The following STT3A variants were observed in gnomAD, a reference collection of about 807,000 sequenced individuals.
The protein encoded by STT3A is STT3 oligosaccharyltransferase complex catalytic subunit A, also known as dolichyl-diphosphooligosaccharide--protein glycosyltransferase subunit STT3A.
In STT3A, 34 loss-of-function variants were observed where a neutral mutation model predicts 89.2. The ratio of observed to expected loss-of-function variants is 0.38; its 90% CI spans 0.29 to 0.51. The LOEUF is 0.51. Among genes scored for constraint, STT3A ranks in the 20% least tolerant of loss-of-function variants. The pLI is 0.89. For synonymous variants in STT3A, 282 were observed against 310.3 expected (o/e 0.91, Z 0.96); for missense variants, 555 against 889.5 (o/e 0.62, Z 4.78).
chr11:125,614,404 C>A lies in STT3A; in HGVS notation c.1752C>A (p.Gly584=). 1 of 1,613,926 alleles carries A rather than the reference C, an allele frequency of 6.2e-7. No homozygotes were observed. Among genetic ancestry groups the A allele is most frequent in the Non-Finnish European group, 8.5e-7 (1 of 1,179,874 alleles). ...DVSYVLVIFG[G]LTGYSSDDIN... ...GCTATGTGCTGGTCATTTTTGGAGGCCTCACTGGGTATTCCTCTGATGGTA... is the reference window on the plus strand; with the variant it reads ...GCTATGTGCTGGTCATTTTTGGAGGACTCACTGGGTATTCCTCTGATGGTA... Residue 584 remains glycine, a synonymous_variant, in exon 15 of 18, where the codon GGC becomes GGA. Transcript: ENST00000392708. The surrounding 1 kb of genome is among the most constrained non-coding windows in gnomAD (Gnocchi z 4.9).
chr11:125,606,052 G>A (rs1159743474), intron 7 of STT3A, among the ~76,000 whole-genome samples: 1 of 151,874 alleles, frequency 6.6e-6, no homozygotes, highest in Non-Finnish European at 1.5e-5. Context: ...ACAGTGATGG[G>A]TTTGAACTTG....
At chr11:125,605,196 A>G (rs1939797153) in intron 6 of STT3A, among the ~76,000 whole-genome samples, 1 of 152,064 alleles carries the variant, frequency 6.6e-6, no homozygotes. Flanking sequence ...TTGAGGGTCA[A>G]CTGGGTCCTG....
upstream of STT3A, chr11:125,592,441 G>C (rs775141235): frequency 2.2e-6 from 1 of 456,184 alleles, no homozygotes; most frequent in Non-Finnish European, 4.4e-6. Context: ...GGAGACGAGC[G>C]GCTCCGCATT....
At chr11:125,617,510 A>G (rs1473078338) in intron 15 of STT3A, among the ~76,000 whole-genome samples, 2 of 152,218 alleles carry the variant, frequency 1.3e-5, no homozygotes, top group East Asian at 3.8e-4. Flanking sequence ...TATTTTTAAT[A>G]CTAACCATCC....
chr11:125,613,450 G>T lies in STT3A; in HGVS notation c.1554+273G>T, dbSNP rs940127683. Reference sequence around the variant, plus strand: ...GTAGAACATCCCAGTTATAAAAGAAGAAAAAAGTTATAGATAAATAATACA... The same window carrying T: ...GTAGAACATCCCAGTTATAAAAGAATAAAAAAGTTATAGATAAATAATACA... On this transcript the variant is annotated intron_variant, in intron 13 of 17. Transcript: ENST00000392708. The surrounding 1 kb of genome is among the most constrained non-coding windows in gnomAD (Gnocchi z 4.2). Among the ~76,000 whole-genome samples, 5 of 152,036 alleles carry T rather than the reference G, an allele frequency of 3.3e-5. No individual in the cohort carries two copies. The highest frequency in any genetic ancestry group is 7.4e-5 in the Non-Finnish European group (5 of 67,982).
upstream of STT3A, chr11:125,591,822 CCA>C (rs1266378992): frequency 1.3e-5 from 2 of 152,366 alleles, no homozygotes; most frequent in African/African-American, 4.8e-5. Flanking sequence ...CGAGACGTTC[CCA>C]CTCTCTCTGG....
chr11:125,596,175 G>A (rs897265817), intron 2 of STT3A, among the ~76,000 whole-genome samples, 172 bp downstream of exon 2: 4 of 152,180 alleles, frequency 2.6e-5, no homozygotes, highest in African/African-American at 9.7e-5. Flanking sequence ...ATAAAAGTCA[G>A]GGCTATGGGC....
At chr11:125,592,397 G>A, upstream of STT3A, 1 of 456,302 alleles carries the variant, frequency 2.2e-6, no homozygotes, top group Non-Finnish European at 4.4e-6. Flanking sequence ...CTTTCACCTT[G>A]TATTAGGTAA....
At position 125,613,911 on chromosome 11, in the gene STT3A, T is replaced by C. The variant is rs1383429937; in HGVS notation, c.1555-176T>C. 1 of 598,760 alleles carries C rather than the reference T, an allele frequency of 1.7e-6. No homozygotes were observed. The highest frequency in any genetic ancestry group is 3.0e-6 in the Non-Finnish European group (1 of 332,384). 37.1% of individuals were successfully genotyped at this position (598,760 alleles called of 1,614,324 possible). ...TGTGCTGAGATTTTATAATTGTATA[T>C]AAATGGAAGACCAGGTGCCAGGATT... On this transcript the variant is annotated intron_variant, in intron 13 of 17. Transcript: ENST00000392708. The surrounding 1 kb of genome is among the most constrained non-coding windows in gnomAD (Gnocchi z 4.2).
intron 9 of STT3A, 200 bp downstream of exon 9, chr11:125,608,489 G>A (rs1416575896): frequency 1.3e-5 from 6 of 445,564 alleles, no homozygotes; most frequent in Non-Finnish European, 2.3e-5. Flanking sequence ...ACCACGCCCA[G>A]CCAATTTTGT....
rs1358280881 is a variant in STT3A, at chr11:125,621,338, CAGAAGAGTGCT to C, written c.*539_*549del. ...TTTATTGAATGAATAAATGTGGGAC[CAGAAGAGTGCT>C]AGAAGAGTGCCTTTCTGGGCTACTA... On this transcript the variant is annotated 3_prime_UTR_variant, in exon 18 of 18. Transcript: ENST00000392708. 1.3e-5 allele frequency: 2 copies of C among 152,406 alleles called. No individual in the cohort carries two copies. The highest frequency in any genetic ancestry group is 2.9e-5 in the Non-Finnish European group (2 of 68,234). The allele number at this position is 152,406 out of a possible 1,614,324, so 9.4% of individuals were successfully genotyped here. A position where few individuals can be genotyped will look rare whatever the true frequency, so the allele number is the denominator to read the frequency against.
intron 5 of STT3A, 137 bp downstream of exon 5, chr11:125,603,085 A>G: frequency 9.6e-7 from 1 of 1,038,128 alleles, no homozygotes; most frequent in Non-Finnish European, 1.4e-6. Context: ...GGCCAAATTA[A>G]TTGGCTTCAC....
At chr11:125,599,021 G>A (rs73019766) in intron 3 of STT3A, among the ~76,000 whole-genome samples, 2,261 of 152,310 alleles carry the variant, frequency 0.015, 30 homozygotes, top group Non-Finnish European at 0.021. Flanking sequence ...GTCGTCAAGA[G>A]CTGTTAGGGA....
In STT3A at chr11:125,602,339, G is replaced by A. The variant is rs1939707685; in HGVS notation, c.186G>A (p.Glu62=). Residue 62 remains glutamate (E), a synonymous_variant, in exon 4 of 18, where the codon GAG becomes GAA. Coordinates refer to ENST00000392708, the MANE Select transcript of STT3A (RefSeq NM_152713.5). ...ATCGGACTACCAGGTTCCTGGCTGA[G>A]GAGGGGTTTTATAAATTCCATAACT... ...FNYRTTRFLA[E]EGFYKFHNWF... The A allele has an allele frequency of 1.9e-6, 3 of 1,613,796 alleles. No individual in the cohort carries two copies. In the South Asian group the frequency reaches 3.3e-5, roughly 18 times the overall value.
intron 10 of STT3A, 99 bp from the exon 11 acceptor site, chr11:125,611,329 A>T: frequency 1.1e-6 from 1 of 872,440 alleles, no homozygotes; most frequent in Non-Finnish European, 1.8e-6. Context: ...TTGCTGGGTT[A>T]AATGTGTGGA....
At chr11:125,593,829 A>T (rs374627949) in intron 1 of STT3A, 4 of 152,006 alleles carry the variant, frequency 2.6e-5, no homozygotes, top group South Asian at 2.1e-4. Context: ...TGGGGCTAGC[A>T]TTCTATATGC....
chr11:125,606,209 C>A, intron 7 of STT3A, 92 bp from the exon 8 acceptor site: 1 of 1,190,080 alleles, frequency 8.4e-7, no homozygotes, highest in Non-Finnish European at 1.2e-6. Flanking sequence ...TATAAGTGTT[C>A]TTTAAAGAGT....
chr11:125,604,555 A>G (rs1939779868), intron 6 of STT3A, among the ~76,000 whole-genome samples: 2 of 152,224 alleles, frequency 1.3e-5, no homozygotes, highest in South Asian at 4.1e-4. Flanking sequence ...TAAAATTTTA[A>G]TGACTGATTG....
At chr11:125,611,844 T>C (rs1423158788) in intron 11 of STT3A, among the ~76,000 whole-genome samples, 1 of 151,164 alleles carries the variant, frequency 6.6e-6, no homozygotes, top group African/African-American at 2.4e-5. Flanking sequence ...AGTGCTAGAT[T>C]GTTAGAGGAG....
Sources: gnomAD v4.1 joint callset for allele counts (sites outside exome capture counted in the v4.1 genomes callset) on GRCh38, gnomAD v4.1.1 for gene constraint, Gnocchi (gnomAD v3.1) non-coding constraint, MANE v1.5 for transcripts, NCBI Gene and HGNC (gene_info 2026-07-23, HGNC 2026-07-21) for gene names.